Variants in ASAP1 observed in about 807,000 individuals in gnomAD.
The protein encoded by ASAP1 is arf-GAP with SH3 domain, ANK repeat and PH domain-containing protein 1.
A neutral mutation model predicts 145.2 loss-of-function variants in ASAP1; 43 were observed. The observed-to-expected ratio is 0.30, with a 90% confidence interval of 0.23 to 0.38. ASAP1 has a LOEUF of 0.38. ASAP1 is among the 10% of genes least tolerant of loss of function. The pLI, the probability that ASAP1 is intolerant of heterozygous loss-of-function variation, is 1.00. For missense variants in ASAP1, 1,018 were observed against 1,355.3 expected (o/e 0.75, Z 3.91); for synonymous variants, 546 against 515.5 (o/e 1.06, Z -0.80).
Position 130,053,382 on chromosome 8 carries a change from A to T in ASAP1, c.*1349T>A, listed in dbSNP as rs1442008183. 1.3e-5 allele frequency: 2 copies of T among 152,240 alleles called. No homozygotes were observed. The highest frequency in any genetic ancestry group is 4.8e-5 in the African/African-American group (2 of 41,474). The allele number at this position is 152,240 out of a possible 1,614,324, so 9.4% of individuals were successfully genotyped here. On this transcript the variant is annotated 3_prime_UTR_variant, in exon 30 of 30. Transcript: ENST00000518721. ...GCATTCTTTTCCAAAATTCAGACTG[A>T]TGTAAAAGACTGAAATACAATGTTC...
Position 130,180,920 on chromosome 8 carries a change from T to A in ASAP1, c.531-40A>T, listed in dbSNP as rs772675000. 3.1e-4 allele frequency: 328 copies of A among 1,074,976 alleles called. No homozygotes were observed. The highest frequency in any genetic ancestry group is 1.2e-3 in the South Asian group (84 of 70,320). 66.6% of individuals were successfully genotyped at this position (1,074,976 alleles called of 1,614,324 possible). A position where few individuals can be genotyped will look rare whatever the true frequency, so the allele number is the denominator to read the frequency against. The stretch of plus-strand genomic sequence containing the variant: ...AATGTCATTATTTAAAAAAAAAAAA[T>A]ACACTCATGTACAATACCAACAGCA... On this transcript the variant is annotated intron_variant, in intron 7 of 29. Coordinates refer to ENST00000518721, the MANE Select transcript of ASAP1 (RefSeq NM_018482.4).
intron 3 of ASAP1, among the ~76,000 whole-genome samples, chr8:130,271,638 C>G (rs564913812): frequency 2.0e-5 from 3 of 152,150 alleles, no homozygotes; most frequent in Non-Finnish European, 4.4e-5. Flanking sequence ...ATGATACAAG[C>G]CCCAAGGTTT....
chr8:130,302,047 A>C (rs1228351624), intron 3 of ASAP1, among the ~76,000 whole-genome samples: 1 of 152,264 alleles, frequency 6.6e-6, no homozygotes, highest in East Asian at 1.9e-4. Context: ...TTTAAGAGTT[A>C]GCATTCCAAA....
chr8:130,211,330 T>C (rs995804231), intron 5 of ASAP1, among the ~76,000 whole-genome samples: 4 of 152,202 alleles, frequency 2.6e-5, no homozygotes, highest in Admixed American at 1.3e-4. Context: ...CTCAGCCCTA[T>C]GCACTGTTAA....
At chr8:130,333,344 G>A (rs545319228) in intron 3 of ASAP1, among the ~76,000 whole-genome samples, 1 of 152,282 alleles carries the variant, frequency 6.6e-6, no homozygotes, top group Admixed American at 6.5e-5. Context: ...GCTCACGCCT[G>A]TCATCCCAGC....
At chr8:130,057,489 C>T (rs1205495511) in intron 29 of ASAP1, among the ~76,000 whole-genome samples, 2 of 152,078 alleles carry the variant, frequency 1.3e-5, no homozygotes, top group Non-Finnish European at 2.9e-5. Flanking sequence ...CGCTCTGTTG[C>T]CCAGGCTGGA....
At chr8:130,440,575 T>C (rs1565317542) in intron 1 of ASAP1, among the ~76,000 whole-genome samples, 1 of 151,838 alleles carries the variant, frequency 6.6e-6, no homozygotes, top group Non-Finnish European at 1.5e-5. Flanking sequence ...CCCTTTGTAC[T>C]GGGTGGAGGG....
At chr8:130,232,056 T>C (rs1817937796) in intron 4 of ASAP1, among the ~76,000 whole-genome samples, 1 of 152,198 alleles carries the variant, frequency 6.6e-6, no homozygotes, top group South Asian at 2.1e-4. Flanking sequence ...ATAGGACTGC[T>C]TGAGTATCCT....
At chr8:130,189,781 T>C (rs1388740885) in intron 5 of ASAP1, among the ~76,000 whole-genome samples, 1 of 152,204 alleles carries the variant, frequency 6.6e-6, no homozygotes, top group African/African-American at 2.4e-5. Context: ...CAACAGCGTA[T>C]GAGAGTTCCC....
intron 5 of ASAP1, among the ~76,000 whole-genome samples, chr8:130,205,248 C>T (rs1358763671): frequency 6.6e-6 from 1 of 151,996 alleles, no homozygotes; most frequent in Non-Finnish European, 1.5e-5. Flanking sequence ...CAATCACGTA[C>T]ACATATCGCG....
chr8:130,390,942 C>T (rs28439118), intron 2 of ASAP1, among the ~76,000 whole-genome samples: 4 of 149,432 alleles, frequency 2.7e-5, no homozygotes, highest in Non-Finnish European at 4.5e-5. Context: ...ATCCCCCGCC[C>T]CCCCAAAATT....
intron 1 of ASAP1, among the ~76,000 whole-genome samples, chr8:130,432,935 G>A (rs146270389): frequency 2.6e-4 from 39 of 152,306 alleles, no homozygotes; most frequent in African/African-American, 9.4e-4. Flanking sequence ...AAAAGAGAAG[G>A]GGAAAAGATG....
At chr8:130,362,578 A>G (rs1019737750) in intron 2 of ASAP1, among the ~76,000 whole-genome samples, 3 of 152,224 alleles carry the variant, frequency 2.0e-5, no homozygotes, top group African/African-American at 2.4e-5. Context: ...GACTATAAAT[A>G]CATCTGCTTT....
chr8:130,261,825 T>TCTCC (rs1164032599), intron 3 of ASAP1, among the ~76,000 whole-genome samples: 1 of 151,928 alleles, frequency 6.6e-6, no homozygotes, highest in African/African-American at 2.4e-5. Flanking sequence ...AGTCAAGGGA[T>TCTCC]CTCCCTCCCT....
intron 1 of ASAP1, among the ~76,000 whole-genome samples, chr8:130,409,747 T>C (rs1315908545): frequency 1.3e-5 from 2 of 152,220 alleles, no homozygotes; most frequent in African/African-American, 2.4e-5. Context: ...GTTTGGGTCT[T>C]TCCTCTCCAA....
rs2097506524 is a variant in ASAP1 at position 130,091,987 on chromosome 8, C to T, written c.2558G>A (p.Gly853Asp). 6.4e-7 allele frequency: 1 copy of T among 1,557,986 alleles called. No homozygotes were observed. Among genetic ancestry groups the T allele is most frequent in the Non-Finnish European group, 8.6e-7 (1 of 1,158,598 alleles). Residue 853 changes from glycine to aspartate, a missense_variant, in exon 25 of 30, where the codon GGC becomes GAC. By Grantham distance (94) the Gly-to-Asp change is moderately conservative (BLOSUM62 -1). Coordinates refer to ENST00000518721, the MANE Select transcript of ASAP1 (RefSeq NM_018482.4). ...GGATAACTTACCCCAAGGAACTGCG[C>T]CTTTGTTTGGGGGCCCATGAGGTAG... Reference protein sequence around the residue: ...SPLPHGPPNKGAVPWGNDGGP... With the variant: ...SPLPHGPPNKDAVPWGNDGGP...
At chr8:130,088,376 C>T (rs2097498319) in intron 25 of ASAP1, among the ~76,000 whole-genome samples, 1 of 152,114 alleles carries the variant, frequency 6.6e-6, no homozygotes, top group Non-Finnish European at 1.5e-5. Context: ...GTGATCCGCC[C>T]GCCTTGGCCT....
At chr8:130,055,549 A>G (rs988170309) in intron 29 of ASAP1, among the ~76,000 whole-genome samples, 1 of 151,946 alleles carries the variant, frequency 6.6e-6, no homozygotes, top group Non-Finnish European at 1.5e-5. Flanking sequence ...AAAAAAAAAA[A>G]AAGGCTGCTA....
In ASAP1 at chr8:130,341,140, G is replaced by A. The variant is rs148255252; in HGVS notation, c.186+16877C>T. Among the ~76,000 whole-genome samples the A allele has an allele frequency of 2.3e-4, 35 of 152,082 alleles. No homozygotes were observed. The East Asian group carries it at 3.1e-3, about 13-fold the overall frequency. ...ATGCATTACAGCAGAAGGTAAAGTC[G>A]ACACAAAACTTCCAACTGACTGCTC... On this transcript the variant is annotated intron_variant, in intron 3 of 29. Transcript: ENST00000518721.
Sources: gnomAD v4.1 joint callset for allele counts (sites outside exome capture counted in the v4.1 genomes callset) on GRCh38, gnomAD v4.1.1 for gene constraint, MANE v1.5 for transcripts, NCBI Gene and HGNC (gene_info 2026-07-23, HGNC 2026-07-21) for gene names.